CHN2: variants seen among roughly 807,000 people sequenced by gnomAD.
CHN2 encodes the protein beta-chimaerin.
In CHN2, 35 loss-of-function variants were observed where a neutral mutation model predicts 56.3. The observed-to-expected ratio is 0.62, with a 90% CI of 0.47 to 0.82. The LOEUF (loss-of-function observed/expected upper bound fraction) is 0.82, where lower values mean the gene tolerates loss of function less well. Among genes scored for constraint, CHN2 ranks in the 40% least tolerant of loss-of-function variants. The probability of loss-of-function intolerance (pLI) is 0.00; values close to 1 mark genes in which losing one functional copy is unlikely to be tolerated. For missense variants in CHN2, 491 were observed against 580.5 expected (o/e 0.85, Z 1.58); for synonymous variants, 210 against 212.8 (o/e 0.99, Z 0.12).
intron 7 of CHN2, chr7:29,483,840 G>T: frequency 2.3e-6 from 3 of 1,284,346 alleles, no homozygotes; most frequent in Non-Finnish European, 3.1e-6. Flanking sequence ...GCTTTAGCCC[G>T]CATAGTACTC....
At chr7:29,255,905 T>C (rs1052366941) in intron 1 of CHN2, among the ~76,000 whole-genome samples, 7 of 152,234 alleles carry the variant, frequency 4.6e-5, no homozygotes, top group African/African-American at 1.7e-4. Context: ...TAGAAACTGA[T>C]TCAGTTTAAT....
At chr7:29,218,749 A>G (rs1339050574) in intron 1 of CHN2, among the ~76,000 whole-genome samples, 1 of 148,568 alleles carries the variant, frequency 6.7e-6, no homozygotes, top group Non-Finnish European at 1.5e-5. Flanking sequence ...TGGGAATTGA[A>G]CAATGAGAAC....
chr7:29,446,364 A>G (rs1044378126), intron 6 of CHN2, among the ~76,000 whole-genome samples: 4 of 152,194 alleles, frequency 2.6e-5, no homozygotes, highest in African/African-American at 9.7e-5. Context: ...GGGACCTAAG[A>G]TTGCCCTGCC....
intron 1 of CHN2, among the ~76,000 whole-genome samples, chr7:29,317,551 A>T (rs1014389818): frequency 1.3e-5 from 2 of 152,260 alleles, no homozygotes; most frequent in Non-Finnish European, 2.9e-5. Flanking sequence ...GGTGATATAC[A>T]TGCATATCGA....
chr7:29,465,843 A>C (rs1785508175), intron 6 of CHN2, among the ~76,000 whole-genome samples: 1 of 152,222 alleles, frequency 6.6e-6, no homozygotes, highest in Non-Finnish European at 1.5e-5. Context: ...GACTGAAGTA[A>C]ACAAAAATTA....
intron 6 of CHN2, among the ~76,000 whole-genome samples, chr7:29,403,875 A>G (rs1047353625): frequency 6.6e-6 from 1 of 152,236 alleles, no homozygotes; most frequent in Non-Finnish European, 1.5e-5. Flanking sequence ...CCTTCACATC[A>G]CTGTAAGCAA....
At chr7:29,404,535 T>C (rs903967655) in intron 6 of CHN2, among the ~76,000 whole-genome samples, 4 of 152,166 alleles carry the variant, frequency 2.6e-5, no homozygotes, top group Non-Finnish European at 5.9e-5. Context: ...AAATGGATTA[T>C]GGTACATCCA....
chr7:29,296,571 A>T (rs751038511), intron 1 of CHN2, among the ~76,000 whole-genome samples: 5 of 152,204 alleles, frequency 3.3e-5, no homozygotes, highest in Non-Finnish European at 7.3e-5. Context: ...TCAAGAGAGC[A>T]TTTCCCTAAC....
intron 2 of CHN2, among the ~76,000 whole-genome samples, chr7:29,359,942 G>A (rs1239500113): frequency 6.6e-6 from 1 of 152,174 alleles, no homozygotes; most frequent in Non-Finnish European, 1.5e-5. Flanking sequence ...GGTCACTCAG[G>A]CATAGCTTGT....
intron 6 of CHN2, among the ~76,000 whole-genome samples, chr7:29,446,746 C>T (rs1784061125): frequency 6.6e-6 from 1 of 152,126 alleles, no homozygotes; most frequent in South Asian, 2.1e-4. Context: ...ATGCATGTAA[C>T]AAAACTAGCG....
At chr7:29,249,023 T>C (rs1037334856) in intron 1 of CHN2, among the ~76,000 whole-genome samples, 2 of 152,184 alleles carry the variant, frequency 1.3e-5, no homozygotes, top group Non-Finnish European at 2.9e-5. Context: ...CCTGTTTTGG[T>C]CAGGGTTCTC....
chr7:29,391,424 G>C (rs952510455), intron 3 of CHN2, among the ~76,000 whole-genome samples: 20 of 151,902 alleles, frequency 1.3e-4, no homozygotes, highest in African/African-American at 4.6e-4. Flanking sequence ...GAGGGAAGGA[G>C]GGACCAGGAT....
chr7:29,435,235 T>A (rs1198489559), intron 6 of CHN2, among the ~76,000 whole-genome samples: 3 of 152,070 alleles, frequency 2.0e-5, no homozygotes, highest in Non-Finnish European at 4.4e-5. Context: ...AGTGAATGGT[T>A]TAGGAGAGGA....
At chr7:29,390,993 TAG>T (rs1461251842) in intron 3 of CHN2, among the ~76,000 whole-genome samples, 1 of 152,166 alleles carries the variant, frequency 6.6e-6, no homozygotes. Context: ...AGTATAGAAA[TAG>T]AGACTGTGTT....
At position 29,400,675 on chromosome 7, in the gene CHN2, C is replaced by G. The variant is rs577212527; in HGVS notation, c.423C>G (p.Ala141=). Residue 141 remains alanine, a synonymous_variant, in exon 6 of 13, where the codon GCC becomes GCG. Transcript: ENST00000222792. ...CACTGTACATAGAAACAAAAGCTGC[C>G]GAGTACATTTCAAAAATGACAACTA... ...LITLYIETKA[A]EYISKMTTNP... is the part of the protein sequence containing the mutation. 1 of 1,614,052 alleles carries G rather than the reference C, an allele frequency of 6.2e-7. No individual in the cohort carries two copies. Among genetic ancestry groups the G allele is most frequent in the African/African-American group, 1.3e-5 (1 of 74,986 alleles).
chr7:29,477,020 C>T (rs987946277), intron 6 of CHN2, among the ~76,000 whole-genome samples: 4 of 152,110 alleles, frequency 2.6e-5, no homozygotes, highest in African/African-American at 9.7e-5. Flanking sequence ...TTAGACATTA[C>T]GGAGCATATA....
chr7:29,416,548 C>T (rs1420729506), intron 6 of CHN2, among the ~76,000 whole-genome samples: 1 of 152,156 alleles, frequency 6.6e-6, no homozygotes, highest in Non-Finnish European at 1.5e-5. Context: ...TTTGTTAGTA[C>T]ACAGAGTTCC....
intron 1 of CHN2, among the ~76,000 whole-genome samples, chr7:29,346,998 A>C (rs1239909301): frequency 1.3e-5 from 2 of 152,118 alleles, no homozygotes; most frequent in Admixed American, 1.3e-4. Flanking sequence ...CCTGCACTCC[A>C]TGGCCATATG....
intron 3 of CHN2, among the ~76,000 whole-genome samples, chr7:29,387,879 A>G (rs972977135): frequency 1.3e-5 from 2 of 152,212 alleles, no homozygotes; most frequent in South Asian, 4.1e-4. Context: ...ATACATGCTC[A>G]GTGTAGAAGG....
Sources: gnomAD v4.1 joint callset for allele counts (sites outside exome capture counted in the v4.1 genomes callset) on GRCh38, gnomAD v4.1.1 for gene constraint, MANE v1.5 for transcripts, NCBI Gene and HGNC (gene_info 2026-07-23, HGNC 2026-07-21) for gene names.